Variants in MKI67 observed in about 807,000 individuals in gnomAD.
The protein encoded by MKI67 is marker of proliferation Ki-67.
Under a neutral mutation model 233.5 loss-of-function variants are expected in MKI67, and 152 were observed. The observed-to-expected ratio is 0.65, with a 90% CI of 0.57 to 0.74. The LOEUF is 0.74. Among genes scored for constraint, MKI67 ranks in the 30% least tolerant of loss-of-function variants. The pLI is 0.00. For synonymous variants in MKI67, 1,465 were observed against 1,418.5 expected (o/e 1.03, Z -0.74); for missense variants, 3,940 against 3,885.2 (o/e 1.01, Z -0.37).
At chr10:128,119,023 A>T (rs572921426) in intron 5 of MKI67, among the ~76,000 whole-genome samples, 1 of 152,332 alleles carries the variant, frequency 6.6e-6, no homozygotes, top group Non-Finnish European at 1.5e-5. Flanking sequence ...TTTGGCTAAA[A>T]GTGTAAGACC....
At position 128,113,378 on chromosome 10, in the gene MKI67, C is replaced by T. The variant is rs1243677336; in HGVS notation, c.1656+49G>A. ...CAGTATTTGGAAAGGAATAGGTACC[C>T]GGTGTGTGAGCCACTGGGCGTGAAT... On this transcript the variant is annotated intron_variant, in intron 8 of 14. Transcript: ENST00000368654. 8.9e-6 allele frequency: 14 copies of T among 1,577,144 alleles called. No homozygotes were observed. The African/African-American group carries it at 9.5e-5, about 11-fold the overall frequency.
At chr10:128,101,836 A>G (rs756020473) in intron 13 of MKI67, 135 bp from the exon 14 acceptor site, 126 of 715,470 alleles carry the variant, frequency 1.8e-4, no homozygotes, top group Admixed American at 2.4e-4. Flanking sequence ...ATTGTCTAAG[A>G]GACTTGTCAT....
Position 128,104,141 on chromosome 10 carries a change from A to C in MKI67, c.7699T>G (p.Ser2567Ala), listed in dbSNP as rs1275101066. Residue 2567 changes from serine to alanine, a missense_variant, in exon 13 of 15, where the codon TCA becomes GCA. Coordinates refer to ENST00000368654, the MANE Select transcript of MKI67 (RefSeq NM_002417.5). The stretch of plus-strand genomic sequence containing the variant: ...GACTCTTCAGTGTGACCTGGTGCTG[A>C]GAAGAGCTCTTTGAAGTCAACCAGG... Reference protein sequence around the residue: ...EDLVDFKELFSAPGHTEESMT... With the variant: ...EDLVDFKELFAAPGHTEESMT... 1 of 1,612,978 alleles carries C rather than the reference A, an allele frequency of 6.2e-7. No homozygotes were observed. Among genetic ancestry groups the C allele is most frequent in the Non-Finnish European group, 8.5e-7 (1 of 1,179,752 alleles).
rs1852331931 is a variant in MKI67 at position 128,101,458 on chromosome 10, C to T, written c.9505G>A (p.Val3169Met). 1.2e-6 allele frequency: 2 copies of T among 1,614,216 alleles called. No homozygotes were observed. Among genetic ancestry groups the T allele is most frequent in the East Asian group, 2.2e-5 (1 of 44,886 alleles). ...TTCTGCCCTCCGCTCTCCTCTGCCA[C>T]CTTAGGCTGGGAGCTCTCATTCTGT... ...ARQNESSQPK[V>M]AEESGGQKSA... Residue 3169 changes from valine to methionine, a missense_variant, in exon 14 of 15, where the codon GTG (valine) becomes ATG (methionine). Transcript: ENST00000368654.
At position 128,115,605 on chromosome 10, in the gene MKI67, G is replaced by A. The variant is rs1565012379; in HGVS notation, c.803C>T (p.Thr268Ile). 6.2e-7 allele frequency: 1 copy of A among 1,614,150 alleles called. No individual in the cohort carries two copies. The highest frequency in any genetic ancestry group is 8.5e-7 in the Non-Finnish European group (1 of 1,180,030). ...LQYCRKSGLQTDYATEKESAD... is the reference protein window; with the variant it reads ...LQYCRKSGLQIDYATEKESAD... Reference sequence around the variant, plus strand: ...ACTTTCTTTCTCTGTTGCGTAATCAGTTTGTAATCCAGATTTTCTACAATA... The same window carrying A: ...ACTTTCTTTCTCTGTTGCGTAATCAATTTGTAATCCAGATTTTCTACAATA... Residue 268 changes from threonine to isoleucine, a missense_variant, in exon 7 of 15, where the codon ACT becomes ATT. Physicochemically the swap from Thr to Ile is moderately conservative, Grantham distance 89. Coordinates refer to ENST00000368654, the MANE Select transcript of MKI67 (RefSeq NM_002417.5).
chr10:128,103,097 G>A lies in MKI67; in HGVS notation c.8743C>T (p.Leu2915=), dbSNP rs149549696. 7.1e-5 allele frequency: 115 copies of A among 1,614,262 alleles called. No homozygotes were observed. The African/African-American group carries it at 8.9e-4, about 13-fold the overall frequency. Residue 2915 remains leucine, a synonymous_variant, in exon 13 of 15, where the codon CTG becomes TTG. Transcript: ENST00000368654. ...TCTTGGAAGCTGGCCAGATCTTCCA[G>A]GGGTTGGGCCTTTTCCTTAGGTGCT... ...PRAPKEKAQP[L]EDLASFQELS...
At position 128,126,378 on chromosome 10, in the gene MKI67, T is replaced by TCCCGCCCGCCCGCCCG. The variant is rs61029493; in HGVS notation, c.-385_-370dup. The TCCCGCCCGCCCGCCCG allele has an allele frequency of 6.9e-6, 1 of 145,270 alleles. No individual in the cohort carries two copies. The highest frequency in any genetic ancestry group is 1.6e-5 in the Non-Finnish European group (1 of 64,506). 9.0% of individuals were successfully genotyped at this position (145,270 alleles called of 1,614,324 possible). ...TAGCGGCTCCCACCGAGTCGAGTCC[T>TCCCGCCCGCCCGCCCG]CCCGCCCGCCCGCCCGCCCGCAGCG... On this transcript the variant is annotated 5_prime_UTR_variant, in exon 1 of 15. Transcript: ENST00000368654.
At chr10:128,112,542 TA>T in intron 8 of MKI67, 97 bp from the exon 9 acceptor site, 1 of 1,219,418 alleles carries the variant, frequency 8.2e-7, no homozygotes. Flanking sequence ...TTCAGCTGTT[TA>T]AATCTTGAAG....
rs777233237 is a variant in MKI67, at chr10:128,103,745, C to A, written c.8095G>T (p.Gly2699Cys). 6.2e-7 allele frequency: 1 copy of A among 1,613,916 alleles called. No homozygotes were observed. The highest frequency in any genetic ancestry group is 8.5e-7 in the Non-Finnish European group (1 of 1,180,012). The change falls in exon 13 of 15, where the codon GGC becomes TGC. Residue 2699 changes from glycine to cysteine, a missense_variant. Coordinates refer to ENST00000368654, the MANE Select transcript of MKI67 (RefSeq NM_002417.5). ...TCGCAGGGTATTTTAGTGGCTTTGC[C>A]AGCAGTCAGTGATTCCTGAGTGTGA... ...SGHTQESLTA[G>C]KATKIPCESP...
chr10:128,104,524 C>G lies in MKI67; in HGVS notation c.7316G>C (p.Gly2439Ala). The G allele has an allele frequency of 6.2e-7, 1 of 1,614,026 alleles. No homozygotes were observed. Among genetic ancestry groups the G allele is most frequent in the Non-Finnish European group, 8.5e-7 (1 of 1,180,018 alleles). ...TGGTGTCTGGAAGAGTTCTTTGAAGCCAACCAGGTCCTCTAGAGCCTCAGC... is the reference window on the plus strand; with the variant it reads ...TGGTGTCTGGAAGAGTTCTTTGAAGGCAACCAGGTCCTCTAGAGCCTCAGC... ...EKAEALEDLV[G>A]FKELFQTPGH... Residue 2439 changes from glycine to alanine, a missense_variant, in exon 13 of 15, where the codon GGC (glycine) becomes GCC (alanine). Coordinates refer to ENST00000368654, the MANE Select transcript of MKI67 (RefSeq NM_002417.5).
intron 2 of MKI67, among the ~76,000 whole-genome samples, chr10:128,124,045 C>A: frequency 6.6e-6 from 1 of 152,188 alleles, no homozygotes; most frequent in East Asian, 1.9e-4. Context: ...TCTTCCTACC[C>A]AGGTCATGTG....
At position 128,099,013 on chromosome 10, in the gene MKI67, G is replaced by A; in HGVS notation, c.*177C>T. On this transcript the variant is annotated 3_prime_UTR_variant, in exon 15 of 15. Coordinates refer to ENST00000368654, the MANE Select transcript of MKI67 (RefSeq NM_002417.5). Reference sequence around the variant, plus strand: ...CAACTATTCTCAGTCCAGGAGCCCAGCAGTGCTCCCAGTGGAGTTTATGAA... The same window carrying A: ...CAACTATTCTCAGTCCAGGAGCCCAACAGTGCTCCCAGTGGAGTTTATGAA... The A allele has an allele frequency of 1.9e-6, 1 of 527,636 alleles. No homozygotes were observed. Among genetic ancestry groups the A allele is most frequent in the Non-Finnish European group, 3.3e-6 (1 of 299,808 alleles). The allele number at this position is 527,636 out of a possible 1,614,324, so 32.7% of individuals were successfully genotyped here.
rs1262681728 is a variant in MKI67, at chr10:128,112,419, T to C, written c.1683A>G (p.Gln561=). The change falls in exon 9 of 15, where the codon CAA becomes CAG. Residue 561 remains glutamine (Q), a synonymous_variant. Coordinates refer to ENST00000368654, the MANE Select transcript of MKI67 (RefSeq NM_002417.5). ...CCACATGGATTTCTGAACCTGACTC[T>C]TGTTTTCCTGATGGTTGAGGCTGTT... The part of the protein sequence containing the change: ...IKEQPQPSGK[Q]ESGSEIHVEV... 9 of 1,614,052 alleles carry C rather than the reference T, an allele frequency of 5.6e-6. No homozygotes were observed. Among genetic ancestry groups the C allele is most frequent in the Non-Finnish European group, 6.8e-6 (8 of 1,179,984 alleles).
Position 128,104,186 on chromosome 10 carries a change from T to C in MKI67, c.7654A>G (p.Lys2552Glu). 6.2e-7 allele frequency: 1 copy of C among 1,613,942 alleles called. No individual in the cohort carries two copies. The highest frequency in any genetic ancestry group is 1.7e-5 in the Admixed American group (1 of 59,990). Reference protein sequence around the residue: ...SRRQLRTRKEKARALEDLVDF... With the variant: ...SRRQLRTRKEEARALEDLVDF... Reference sequence around the variant, plus strand: ...ACCAGGTCTTCTAGAGCACGGGCCTTTTCCTTACGAGTTCTCAGCTGCCTC... The same window carrying C: ...ACCAGGTCTTCTAGAGCACGGGCCTCTTCCTTACGAGTTCTCAGCTGCCTC... The change falls in exon 13 of 15, where the codon AAG becomes GAG. Residue 2552 changes from lysine (K) to glutamate (E), a missense_variant. Coordinates refer to ENST00000368654, the MANE Select transcript of MKI67 (RefSeq NM_002417.5).
chr10:128,116,637 T>G, intron 5 of MKI67, 101 bp from the exon 6 acceptor site: 1 of 1,158,850 alleles, frequency 8.6e-7, no homozygotes, highest in Non-Finnish European at 1.3e-6. Flanking sequence ...CTGGGCATGA[T>G]GGCTCATGCC....
Position 128,125,801 on chromosome 10 carries a change from A to T in MKI67, c.-89-45T>A. 1 of 771,544 alleles carries T rather than the reference A, an allele frequency of 1.3e-6. No homozygotes were observed. The highest frequency in any genetic ancestry group is 2.2e-6 in the Non-Finnish European group (1 of 448,348). 47.8% of individuals were successfully genotyped at this position (771,544 alleles called of 1,614,324 possible). On this transcript the variant is annotated intron_variant, in intron 1 of 14. Coordinates refer to ENST00000368654, the MANE Select transcript of MKI67 (RefSeq NM_002417.5). The surrounding 1 kb of genome is among the most constrained non-coding windows in gnomAD (Gnocchi z 5.3). ...TACTCTGATAGCAAAGGAGCTAAGA[A>T]GGGCCCCGTGCCCAATTCACCTATC...
chr10:128,114,709 G>A (rs1191639615), intron 7 of MKI67, among the ~76,000 whole-genome samples: 3 of 152,168 alleles, frequency 2.0e-5, no homozygotes, highest in African/African-American at 7.2e-5. Flanking sequence ...ATGATTGCCT[G>A]ACAACTTCCA....
chr10:128,110,813 A>C (rs1038391328), intron 11 of MKI67, among the ~76,000 whole-genome samples: 3 of 152,218 alleles, frequency 2.0e-5, no homozygotes, highest in Non-Finnish European at 4.4e-5. Context: ...ACAAGACCCC[A>C]CACGTGAGCT....
Position 128,112,210 on chromosome 10 carries a change from A to T in MKI67, c.1892T>A (p.Ile631Asn), listed in dbSNP as rs1365863807. 6.2e-7 allele frequency: 1 copy of T among 1,614,160 alleles called. No individual in the cohort carries two copies. Among genetic ancestry groups the T allele is most frequent in the Admixed American group, 1.7e-5 (1 of 60,028 alleles). Residue 631 changes from isoleucine to asparagine, a missense_variant, in exon 9 of 15, where the codon ATC becomes AAC. Ile to Asn is a moderately radical substitution (Grantham distance 149, BLOSUM62 -3). Coordinates refer to ENST00000368654, the MANE Select transcript of MKI67 (RefSeq NM_002417.5). ...TAAAATATCATGTTGACTTCGGCTGATAGACACTCTCTTTGAAGGCAGGTT... is the reference window on the plus strand; with the variant it reads ...TAAAATATCATGTTGACTTCGGCTGTTAGACACTCTCTTTGAAGGCAGGTT... ...SGNLPSKRVS[I>N]SRSQHDILQM...
Sources: gnomAD v4.1 joint callset for allele counts (sites outside exome capture counted in the v4.1 genomes callset) on GRCh38, gnomAD v4.1.1 for gene constraint, Gnocchi (gnomAD v3.1) non-coding constraint, MANE v1.5 for transcripts, NCBI Gene and HGNC (gene_info 2026-07-23, HGNC 2026-07-21) for gene names.